Variants in SAG observed in about 807,000 individuals in gnomAD.
SAG encodes S-arrestin.
In SAG, 45 loss-of-function variants were observed where a neutral mutation model predicts 55.0. That is an observed-to-expected ratio of 0.82 (90% CI 0.64 to 1.05). The LOEUF (loss-of-function observed/expected upper bound fraction) is 1.05. Among genes scored for constraint, SAG ranks in the 50% least tolerant of loss-of-function variants. The pLI is 0.00. For synonymous variants in SAG, 189 were observed against 197.4 expected (o/e 0.96, Z 0.36); for missense variants, 455 against 512.1 (o/e 0.89, Z 1.08).
chr2:233,313,007 C>T (rs1243948442), intron 2 of SAG, among the ~76,000 whole-genome samples: 3 of 152,184 alleles, frequency 2.0e-5, no homozygotes, highest in African/African-American at 7.2e-5. Context: ...GCTGCTGGGG[C>T]CTCTGTAACC....
chr2:233,329,766 G>A (rs1283411788), intron 9 of SAG, among the ~76,000 whole-genome samples, 189 bp downstream of exon 9: 1 of 152,200 alleles, frequency 6.6e-6, no homozygotes, highest in Non-Finnish European at 1.5e-5. Flanking sequence ...TCAACTTCCT[G>A]CCCACTTACG....
chr2:233,325,775 A>T (rs1700533203), intron 6 of SAG, among the ~76,000 whole-genome samples: 1 of 152,176 alleles, frequency 6.6e-6, no homozygotes, highest in African/African-American at 2.4e-5. Flanking sequence ...GGGCTTCAGG[A>T]AAGTGGGTGC....
At chr2:233,334,780 C>T in intron 10 of SAG, 182 bp from the exon 11 acceptor site, 1 of 620,646 alleles carries the variant, frequency 1.6e-6, no homozygotes, top group Non-Finnish European at 2.9e-6. Flanking sequence ...GCCAGCCCAC[C>T]CTGAGATTTC....
intron 2 of SAG, among the ~76,000 whole-genome samples, chr2:233,311,530 C>T (rs140579655): frequency 2.6e-5 from 4 of 152,286 alleles, no homozygotes; most frequent in Admixed American, 6.5e-5. Flanking sequence ...CTGAGCATAC[C>T]GCCTGGTGGA....
intron 9 of SAG, among the ~76,000 whole-genome samples, chr2:233,329,913 C>G (rs575987697): frequency 6.6e-6 from 1 of 152,230 alleles, no homozygotes; most frequent in South Asian, 2.1e-4. Flanking sequence ...TTTGTGGACT[C>G]ATGCTGTGGG....
chr2:233,319,210 T>C lies in SAG; in HGVS notation c.181+415T>C, dbSNP rs1237439617. 6.6e-6 allele frequency among the ~76,000 whole-genome samples: 1 copy of C among 151,772 alleles called. No individual in the cohort carries two copies. The highest frequency in any genetic ancestry group is 1.5e-5 in the Non-Finnish European group (1 of 67,946). On this transcript the variant is annotated intron_variant, in intron 4 of 15. Coordinates refer to ENST00000409110, the MANE Select transcript of SAG (RefSeq NM_000541.5). This position sits in a 1 kb window ranked among gnomAD's most constrained non-coding sequence, Gnocchi z 4.4. The stretch of plus-strand genomic sequence containing the variant: ...GTGAGTGGGCAGTGTTTCTTCTGAG[T>C]CAGTGGCGAGGGGCAGTTACCGTTG...
At chr2:233,330,283 T>A (rs1388355652) in intron 9 of SAG, among the ~76,000 whole-genome samples, 1 of 152,140 alleles carries the variant, frequency 6.6e-6, no homozygotes, top group Non-Finnish European at 1.5e-5. Flanking sequence ...GACTTATGCA[T>A]CTTGGGGTGA....
At chr2:233,331,950 C>T (rs1262113876) in intron 10 of SAG, 14 of 527,772 alleles carry the variant, frequency 2.7e-5, no homozygotes, top group South Asian at 1.0e-4. Context: ...CAAAGAATGA[C>T]GCAGAGGAGA....
rs59967591 is a variant in SAG at position 233,319,067 on chromosome 2, C to T, written c.181+272C>T. Reference sequence around the variant, plus strand: ...GTAGACGGAGCCCAGGTCTGTGGCCCCCATTCCTGTTTGCTCGCCCCTGTT... The same window carrying T: ...GTAGACGGAGCCCAGGTCTGTGGCCTCCATTCCTGTTTGCTCGCCCCTGTT... On this transcript the variant is annotated intron_variant, in intron 4 of 15. Coordinates refer to ENST00000409110, the MANE Select transcript of SAG (RefSeq NM_000541.5). This position sits in a 1 kb window ranked among gnomAD's most constrained non-coding sequence, Gnocchi z 4.4. 7,532 of 644,590 alleles carry T rather than the reference C, an allele frequency of 0.012. 432 individuals carry two copies. In the African/African-American group the frequency reaches 0.12, roughly 10 times the overall value. The allele number at this position is 644,590 out of a possible 1,614,324, so 39.9% of individuals were successfully genotyped here.
intron 8 of SAG, 79 bp downstream of exon 8, chr2:233,328,692 A>AGCCCTT: frequency 1.4e-6 from 2 of 1,445,420 alleles, no homozygotes; most frequent in Non-Finnish European, 1.9e-6. Context: ...CACCAGCCCC[A>AGCCCTT]GCCCTTAACT....
rs1701070990 is a variant in SAG at position 233,340,703 on chromosome 2, G to A, written c.1046+225G>A. Among the ~76,000 whole-genome samples the A allele has an allele frequency of 6.6e-6, 1 of 152,092 alleles. No homozygotes were observed. The highest frequency in any genetic ancestry group is 1.5e-5 in the Non-Finnish European group (1 of 68,022). On this transcript the variant is annotated intron_variant, in intron 13 of 15. Transcript: ENST00000409110. The surrounding 1 kb of genome is among the most constrained non-coding windows in gnomAD (Gnocchi z 4.2). The stretch of plus-strand genomic sequence containing the variant: ...ACAGCTAGACCTATGCCTGGGTAAG[G>A]ACACACACATACACACCCAGAAAAC...
intron 8 of SAG, 44 bp from the exon 9 acceptor site, chr2:233,329,449 C>A (rs772686462): frequency 1.7e-6 from 2 of 1,191,206 alleles, no homozygotes; most frequent in Non-Finnish European, 2.5e-6. Flanking sequence ...AAAGACACCG[C>A]CACATCTGTT....
chr2:233,328,102 A>G (rs1020786588), intron 7 of SAG: 1 of 174,130 alleles, frequency 5.7e-6, no homozygotes, highest in African/African-American at 2.4e-5. Flanking sequence ...GGCGCAGGAT[A>G]GTGAGCTGCA....
chr2:233,329,674 G>A, intron 9 of SAG, 97 bp downstream of exon 9: 1 of 812,240 alleles, frequency 1.2e-6, no homozygotes, highest in Non-Finnish European at 2.1e-6. Flanking sequence ...AGGCCCTTCT[G>A]GGTCCTTGGA....
intron 2 of SAG, among the ~76,000 whole-genome samples, chr2:233,311,460 G>A (rs540104879): frequency 1.3e-5 from 2 of 152,306 alleles, no homozygotes; most frequent in South Asian, 4.1e-4. Context: ...CAAGCCAGAA[G>A]AATTAGATGA....
intron 14 of SAG, chr2:233,345,401 C>T (rs1574959427): frequency 1.3e-5 from 2 of 152,306 alleles, no homozygotes; most frequent in East Asian, 3.9e-4. Context: ...TCACGGCACC[C>T]TGGCGACCCT....
At chr2:233,334,191 G>A (rs544158609) in intron 10 of SAG, 1 of 152,408 alleles carries the variant, frequency 6.6e-6, no homozygotes, top group African/African-American at 2.4e-5. Flanking sequence ...GGTAAGGTGA[G>A]AGTTTTGAGG....
rs1701072986 is a variant in SAG, at chr2:233,340,748, A to G, written c.1046+270A>G. ...GAAAACTGGCACACTCCATGCAGCCAGCTTGTGTGTGTGTGTGTGTGTTTG... is the reference window on the plus strand; with the variant it reads ...GAAAACTGGCACACTCCATGCAGCCGGCTTGTGTGTGTGTGTGTGTGTTTG... On this transcript the variant is annotated intron_variant, in intron 13 of 15. Coordinates refer to ENST00000409110, the MANE Select transcript of SAG (RefSeq NM_000541.5). This position sits in a 1 kb window ranked among gnomAD's most constrained non-coding sequence, Gnocchi z 4.2. 9.4e-6 allele frequency among the ~76,000 whole-genome samples: 1 copy of G among 106,168 alleles called. No homozygotes were observed. The highest frequency in any genetic ancestry group is 2.1e-5 in the Non-Finnish European group (1 of 46,812). 69.7% of individuals were successfully genotyped at this position (106,168 alleles called of 152,430 possible).
chr2:233,340,044 C>T lies in SAG; in HGVS notation c.1023-411C>T, dbSNP rs938053227. Reference sequence around the variant, plus strand: ...TGATCTCAGCTCACTGCAACCTCCACCTCCCAGGTTCAAGCAATTCCCCTG... The same window carrying T: ...TGATCTCAGCTCACTGCAACCTCCATCTCCCAGGTTCAAGCAATTCCCCTG... On this transcript the variant is annotated intron_variant, in intron 12 of 15. Coordinates refer to ENST00000409110, the MANE Select transcript of SAG (RefSeq NM_000541.5). This position sits in a 1 kb window ranked among gnomAD's most constrained non-coding sequence, Gnocchi z 4.2. Among the ~76,000 whole-genome samples the T allele has an allele frequency of 2.6e-5, 4 of 151,740 alleles. No homozygotes were observed. The South Asian group carries it at 8.3e-4, about 31-fold the overall frequency.
Sources: allele counts gnomAD v4.1 joint callset (sites outside exome capture counted in the v4.1 genomes callset), GRCh38; gene constraint gnomAD v4.1.1; non-coding constraint Gnocchi (gnomAD v3.1); transcripts MANE v1.5; gene names NCBI Gene and HGNC (gene_info 2026-07-23, HGNC 2026-07-21).